The following DRC8 variants were observed in gnomAD, a reference collection of about 807,000 sequenced individuals.
DRC8 encodes dynein regulatory complex subunit 8.
chr1:245,121,990 C>A, the DRC8 span: 2 of 388,452 alleles, frequency 5.1e-6, no homozygotes, highest in Admixed American at 6.6e-5. Context: ...CCTCCACCTC[C>A]CGGGTTCAAG....
chr1:244,996,456 A>C, the DRC8 span, among the ~76,000 whole-genome samples: 1 of 152,220 alleles, frequency 6.6e-6, no homozygotes, highest in South Asian at 2.1e-4. Flanking sequence ...ACCAGGAGGC[A>C]GGAATCACTG....
At chr1:244,970,790 T>G in the DRC8 span, 9 of 341,442 alleles carry the variant, frequency 2.6e-5, no homozygotes, top group Admixed American at 5.9e-5. Context: ...TCCTTCCCCC[T>G]CCCTCGGAGG....
At chr1:245,064,229 A>T in the DRC8 span, among the ~76,000 whole-genome samples, 1 of 152,214 alleles carries the variant, frequency 6.6e-6, no homozygotes, top group Non-Finnish European at 1.5e-5. Flanking sequence ...GCATAAAACT[A>T]CTTAGGAATG....
chr1:245,002,154 C>T, the DRC8 span: 17,926 of 1,608,718 alleles, frequency 0.011, 140 homozygotes, highest in Middle Eastern at 0.028. Context: ...GATAAGGCCT[C>T]GGACTTTACT....
the DRC8 span, chr1:245,059,444 G>A: frequency 6.2e-7 from 1 of 1,612,726 alleles, no homozygotes; most frequent in Non-Finnish European, 8.5e-7. Context: ...AGAGCTGCAT[G>A]ATCTGATTGC....
At chr1:245,021,901 C>T in the DRC8 span, among the ~76,000 whole-genome samples, 1 of 152,172 alleles carries the variant, frequency 6.6e-6, no homozygotes, top group African/African-American at 2.4e-5. Flanking sequence ...CCTTGAAACC[C>T]TGAGCTCAAG....
chr1:245,121,774 C>T, the DRC8 span: 1 of 348,832 alleles, frequency 2.9e-6, no homozygotes, highest in Non-Finnish European at 5.4e-6. Context: ...GGCAAAGCAT[C>T]AACCCCTCCG....
At chr1:245,097,786 G>A in the DRC8 span, among the ~76,000 whole-genome samples, 1 of 152,118 alleles carries the variant, frequency 6.6e-6, no homozygotes, top group African/African-American at 2.4e-5. The surrounding 1 kb of genome is among the most constrained non-coding windows in gnomAD (Gnocchi z 5.0). Context: ...AGGAAATGAA[G>A]GGGCATGGGG....
chr1:245,033,361 G>C, the DRC8 span, among the ~76,000 whole-genome samples: 1 of 152,150 alleles, frequency 6.6e-6, no homozygotes, highest in Non-Finnish European at 1.5e-5. Flanking sequence ...CTCCTCTCCC[G>C]GAGGCAGTGA....
At chr1:245,060,044 G>T in the DRC8 span, among the ~76,000 whole-genome samples, 2,655 of 152,222 alleles carry the variant, frequency 0.017, 33 homozygotes, top group Non-Finnish European at 0.023. Context: ...CAACAACAGA[G>T]ACTTTAAGGG....
the DRC8 span, among the ~76,000 whole-genome samples, chr1:245,100,112 C>T: frequency 1.3e-5 from 2 of 152,148 alleles, no homozygotes; most frequent in Non-Finnish European, 2.9e-5. Context: ...TGGCCGGGCA[C>T]GGTGGCTCAC....
chr1:245,028,581 C>G, the DRC8 span, among the ~76,000 whole-genome samples: 2 of 152,038 alleles, frequency 1.3e-5, no homozygotes, highest in Non-Finnish European at 2.9e-5. Flanking sequence ...GAAACCCACT[C>G]TGACCGAGAC....
chr1:245,005,997 A>G, the DRC8 span, among the ~76,000 whole-genome samples: 3 of 152,188 alleles, frequency 2.0e-5, no homozygotes, highest in Non-Finnish European at 4.4e-5. Context: ...CTGGGACACT[A>G]CAGAGACTTC....
chr1:245,022,670 A>G, the DRC8 span, among the ~76,000 whole-genome samples: 1 of 152,120 alleles, frequency 6.6e-6, no homozygotes, highest in African/African-American at 2.4e-5. Flanking sequence ...TAATTCTTCC[A>G]GAGATTCTCC....
chr1:244,983,339 T>G, the DRC8 span, among the ~76,000 whole-genome samples: 4 of 152,204 alleles, frequency 2.6e-5, no homozygotes, highest in African/African-American at 7.2e-5. Flanking sequence ...CTTTTTTCAC[T>G]TACTATTAGA....
chr1:245,008,670 CTTT>C, the DRC8 span, among the ~76,000 whole-genome samples: 2 of 139,348 alleles, frequency 1.4e-5, no homozygotes, highest in African/African-American at 5.3e-5. Flanking sequence ...TGTTCTCACA[CTTT>C]TTTTTTTTTT....
chr1:245,112,863 C>T, the DRC8 span, among the ~76,000 whole-genome samples: 1 of 151,926 alleles, frequency 6.6e-6, no homozygotes, highest in Non-Finnish European at 1.5e-5. Flanking sequence ...AAGCAGTTCT[C>T]CTGCCTCAGC....
At chr1:245,108,868 G>A in the DRC8 span, among the ~76,000 whole-genome samples, 2 of 152,154 alleles carry the variant, frequency 1.3e-5, no homozygotes, top group Non-Finnish European at 2.9e-5. Context: ...AGCCCCATCC[G>A]ATCCATTATT....
At chr1:245,102,381 A>G in the DRC8 span, among the ~76,000 whole-genome samples, 3 of 151,430 alleles carry the variant, frequency 2.0e-5, no homozygotes, top group Non-Finnish European at 4.4e-5. Context: ...ATGGAGTCTC[A>G]TTCTGTCGCC....
Sources: gnomAD v4.1 joint callset for allele counts (sites outside exome capture counted in the v4.1 genomes callset) on GRCh38, gnomAD v4.1.1 for gene constraint, Gnocchi (gnomAD v3.1) non-coding constraint, MANE v1.5 for transcripts, NCBI Gene and HGNC (gene_info 2026-07-23, HGNC 2026-07-21) for gene names.